IGBP1C: variants seen among roughly 807,000 people sequenced by gnomAD.
IGBP1C encodes IGBP1 family member C.
At chr17:58,661,578 A>G in the IGBP1C span, 2 of 732,694 alleles carry the variant, frequency 2.7e-6, no homozygotes, top group Non-Finnish European at 5.0e-6. Context: ...GGCGGCAGGA[A>G]CTCGTCTTCA....
At chr17:58,664,463 C>A in the IGBP1C span, among the ~76,000 whole-genome samples, 1 of 152,206 alleles carries the variant, frequency 6.6e-6, no homozygotes, top group African/African-American at 2.4e-5. Context: ...GTTCTCAAGT[C>A]ATTACTTACA....
the IGBP1C span, among the ~76,000 whole-genome samples, chr17:58,685,585 G>A: frequency 6.6e-6 from 1 of 151,948 alleles, no homozygotes; most frequent in Non-Finnish European, 1.5e-5. Context: ...AAAGTAGCAG[G>A]AGTATAGGAA....
chr17:58,661,927 A>G, the IGBP1C span: 2 of 207,632 alleles, frequency 9.6e-6, no homozygotes, highest in Non-Finnish European at 9.4e-6. Context: ...GCTACCCCCA[A>G]CCCAGGCTAT....
At chr17:58,684,227 C>T in the IGBP1C span, among the ~76,000 whole-genome samples, 1 of 151,666 alleles carries the variant, frequency 6.6e-6, no homozygotes, top group Non-Finnish European at 1.5e-5. Context: ...TTTGGGAGGC[C>T]TTGGCGGGTG....
chr17:58,663,830 A>G, the IGBP1C span, among the ~76,000 whole-genome samples: 3 of 152,284 alleles, frequency 2.0e-5, no homozygotes, highest in African/African-American at 7.2e-5. Flanking sequence ...CCTGAAACAC[A>G]CTGGCCCTGA....
At chr17:58,679,875 G>A in the IGBP1C span, among the ~76,000 whole-genome samples, 1 of 151,928 alleles carries the variant, frequency 6.6e-6, no homozygotes, top group Non-Finnish European at 1.5e-5. Context: ...ATAAGCCTAG[G>A]GTGCAAATAG....
At chr17:58,661,616 C>T in the IGBP1C span, 4 of 699,626 alleles carry the variant, frequency 5.7e-6, no homozygotes, top group Admixed American at 4.6e-5. Context: ...AAGGCTGATG[C>T]GAAATGTTGA....
the IGBP1C span, among the ~76,000 whole-genome samples, chr17:58,689,465 C>T: frequency 2.6e-5 from 4 of 152,056 alleles, no homozygotes; most frequent in Non-Finnish European, 5.9e-5. Context: ...ATGATCCACC[C>T]GCCTTGGCCT....
the IGBP1C span, among the ~76,000 whole-genome samples, chr17:58,677,952 C>T: frequency 6.6e-6 from 1 of 152,224 alleles, no homozygotes; most frequent in African/African-American, 2.4e-5. Context: ...GAGTTCAAGA[C>T]CAGCCTGGCC....
chr17:58,665,732 GAACC>G, the IGBP1C span, among the ~76,000 whole-genome samples: 1 of 151,198 alleles, frequency 6.6e-6, no homozygotes, highest in Non-Finnish European at 1.5e-5. Context: ...GCATTCTTAA[GAACC>G]AAAAGAAACA....
At chr17:58,686,759 C>T in the IGBP1C span, among the ~76,000 whole-genome samples, 2 of 151,610 alleles carry the variant, frequency 1.3e-5, no homozygotes, top group African/African-American at 2.4e-5. Flanking sequence ...TTATCATAAC[C>T]ACCTCTAAAG....
chr17:58,660,876 T>C, the IGBP1C span: 2 of 800,224 alleles, frequency 2.5e-6, no homozygotes, highest in South Asian at 1.3e-5. Context: ...AAGGGTTTCA[T>C]TGGAGGCCTC....
the IGBP1C span, among the ~76,000 whole-genome samples, chr17:58,687,360 G>A: frequency 1.3e-5 from 2 of 152,018 alleles, no homozygotes; most frequent in Non-Finnish European, 2.9e-5. Flanking sequence ...GGTACCCCCT[G>A]ACCCCTTCTT....
At chr17:58,668,023 T>C in the IGBP1C span, among the ~76,000 whole-genome samples, 1 of 152,150 alleles carries the variant, frequency 6.6e-6, no homozygotes, top group African/African-American at 2.4e-5. Flanking sequence ...CCCTGCTAAG[T>C]CAATTTAGCT....
the IGBP1C span, among the ~76,000 whole-genome samples, chr17:58,683,688 G>A: frequency 2.3e-4 from 35 of 151,584 alleles, no homozygotes; most frequent in African/African-American, 8.5e-4. Flanking sequence ...GCTTGAACCC[G>A]GAAGGCGGGG....
At chr17:58,670,765 T>G in the IGBP1C span, among the ~76,000 whole-genome samples, 20 of 73,048 alleles carry the variant, frequency 2.7e-4, no homozygotes, top group African/African-American at 1.2e-3. Flanking sequence ...AGAGTGAGAC[T>G]CCCTCTTAAA....
the IGBP1C span, among the ~76,000 whole-genome samples, chr17:58,667,328 G>A: frequency 6.6e-6 from 1 of 152,154 alleles, no homozygotes; most frequent in Non-Finnish European, 1.5e-5. Flanking sequence ...TTGTTCCTCA[G>A]TTTGTAAAAC....
the IGBP1C span, among the ~76,000 whole-genome samples, chr17:58,678,818 T>TATAATAGTA: frequency 7.3e-6 from 1 of 137,324 alleles, no homozygotes; most frequent in East Asian, 2.1e-4. Flanking sequence ...GAACTTAAAG[T>TATAATAGTA]ATAATAATAA....
the IGBP1C span, among the ~76,000 whole-genome samples, chr17:58,668,283 C>A: frequency 6.6e-6 from 1 of 152,202 alleles, no homozygotes; most frequent in African/African-American, 2.4e-5. Flanking sequence ...CACTACAAGA[C>A]CCCATTGCAG....
Sources: gnomAD v4.1 joint callset for allele counts (sites outside exome capture counted in the v4.1 genomes callset) on GRCh38, gnomAD v4.1.1 for gene constraint, MANE v1.5 for transcripts, NCBI Gene and HGNC (gene_info 2026-07-23, HGNC 2026-07-21) for gene names.